Variants in RNF220 observed in about 807,000 individuals in gnomAD.
RNF220 encodes ring finger protein 220.
A neutral mutation model predicts 67.1 loss-of-function variants in RNF220; 7 were observed. The ratio of observed to expected loss-of-function variants is 0.10; its 90% CI spans 0.06 to 0.20. The LOEUF (loss-of-function observed/expected upper bound fraction) is 0.20. Ranked by LOEUF, RNF220 falls within the 10% of genes least tolerant of loss-of-function variation. The probability of loss-of-function intolerance (pLI) is 1.00; values close to 1 mark genes in which losing one functional copy is unlikely to be tolerated. For missense variants in RNF220, 565 were observed against 740.3 expected (o/e 0.76, Z 2.75); for synonymous variants, 270 against 283.2 (o/e 0.95, Z 0.47).
At chr1:44,522,653 TG>T (rs760083776) in intron 2 of RNF220, among the ~76,000 whole-genome samples, 43 of 148,880 alleles carry the variant, frequency 2.9e-4, no homozygotes, top group East Asian at 1.4e-3. Context: ...ACATCCCTCC[TG>T]GGGGGGCGGG....
intron 2 of RNF220, chr1:44,545,387 A>C (rs1662046112): frequency 6.5e-6 from 1 of 154,228 alleles, no homozygotes; most frequent in Non-Finnish European, 1.5e-5. Context: ...ACTTTCAGGC[A>C]CTTTACATCC....
chr1:44,581,431 G>A lies in RNF220; in HGVS notation c.626-32734G>A, dbSNP rs187067431. ...GAGCAAAGGGCCTCCCCAGGGTGCC[G>A]GCCAGGGAATCCCTGCTTTGGCCAA... On this transcript the variant is annotated intron_variant, in intron 2 of 14. Transcript: ENST00000361799. 4.2e-3 allele frequency among the ~76,000 whole-genome samples: 647 copies of A among 152,242 alleles called. 4 individuals are homozygous for A. The highest frequency in any genetic ancestry group is 0.015 in the African/African-American group (605 of 41,518).
At chr1:44,421,025 G>A (rs1649153823) in intron 2 of RNF220, among the ~76,000 whole-genome samples, 1 of 152,180 alleles carries the variant, frequency 6.6e-6, no homozygotes, top group Admixed American at 6.5e-5. Flanking sequence ...AGGGAGAAAG[G>A]CTTGAAAGCC....
At chr1:44,530,327 A>G (rs1660735085) in intron 2 of RNF220, among the ~76,000 whole-genome samples, 2 of 152,170 alleles carry the variant, frequency 1.3e-5, no homozygotes, top group South Asian at 4.1e-4. Flanking sequence ...CAAAAACTAC[A>G]ATGGGTTACC....
At chr1:44,429,753 G>A (rs1557917043) in intron 2 of RNF220, among the ~76,000 whole-genome samples, 3 of 152,198 alleles carry the variant, frequency 2.0e-5, no homozygotes, top group Non-Finnish European at 2.9e-5. Flanking sequence ...GGGTGGGGAC[G>A]TGTGGTTGGT....
At chr1:44,562,635 G>T (rs919858137) in intron 2 of RNF220, among the ~76,000 whole-genome samples, 2 of 152,186 alleles carry the variant, frequency 1.3e-5, no homozygotes, top group African/African-American at 4.8e-5. Flanking sequence ...AGCTCCAGGG[G>T]CTAAGTCGGG....
intron 2 of RNF220, among the ~76,000 whole-genome samples, chr1:44,413,993 C>T (rs1473168341): frequency 2.0e-5 from 3 of 152,372 alleles, no homozygotes; most frequent in South Asian, 2.1e-4. Flanking sequence ...GTAAATCCAT[C>T]GCTCTTTGGT....
Position 44,405,377 on chromosome 1 carries a change from A to ACTGCTGCTGCTGCTGCTG in RNF220, c.-269_-252dup, listed in dbSNP as rs111665631. 11 of 611,418 alleles carry ACTGCTGCTGCTGCTGCTG rather than the reference A, an allele frequency of 1.8e-5. No individual in the cohort carries two copies. The highest frequency in any genetic ancestry group is 3.6e-4 in the Middle Eastern group (1 of 2,814). The allele number at this position is 611,418 out of a possible 1,614,324, so 37.9% of individuals were successfully genotyped here. A position where few individuals can be genotyped will look rare whatever the true frequency, so the allele number is the denominator to read the frequency against. ...AACACAAACCCGGGGCCAGCCGCCTACTGCTGCTGCTGCTGCTGCCGCTGC... is the reference window on the plus strand; with the variant it reads ...AACACAAACCCGGGGCCAGCCGCCTACTGCTGCTGCTGCTGCTGCTGCTGCTGCTGCTGCTGCCGCTGC... On this transcript the variant is annotated 5_prime_UTR_variant, in exon 1 of 15. Coordinates refer to ENST00000361799, the MANE Select transcript of RNF220 (RefSeq NM_018150.4).
In RNF220 at chr1:44,645,612, C is replaced by G. The variant is rs1207295343; in HGVS notation, c.1445+124C>G. 2 of 933,766 alleles carry G rather than the reference C, an allele frequency of 2.1e-6. No individual in the cohort carries two copies. Among genetic ancestry groups the G allele is most frequent in the Non-Finnish European group, 3.3e-6 (2 of 603,838 alleles). 57.8% of individuals were successfully genotyped at this position (933,766 alleles called of 1,614,324 possible). A position where few individuals can be genotyped will look rare whatever the true frequency, so the allele number is the denominator to read the frequency against. Reference sequence around the variant, plus strand: ...CCAAGTGCAGCTCAGTGCTGCTGCCCTGGGCACACGGCCGGCAGTGGAGCC... The same window carrying G: ...CCAAGTGCAGCTCAGTGCTGCTGCCGTGGGCACACGGCCGGCAGTGGAGCC... On this transcript the variant is annotated intron_variant, in intron 12 of 14. Transcript: ENST00000361799. The surrounding 1 kb of genome is among the most constrained non-coding windows in gnomAD (Gnocchi z 5.0).
intron 2 of RNF220, among the ~76,000 whole-genome samples, chr1:44,596,641 T>A (rs1666514552): frequency 1.3e-5 from 2 of 150,954 alleles, no homozygotes; most frequent in Non-Finnish European, 3.0e-5. Flanking sequence ...ACAAAAAAAA[T>A]AAATAAAGGA....
intron 2 of RNF220, among the ~76,000 whole-genome samples, chr1:44,426,447 C>A (rs185504121): frequency 6.6e-6 from 1 of 152,300 alleles, no homozygotes; most frequent in East Asian, 1.9e-4. Context: ...CTTTACTAGG[C>A]CAGGTGTGGT....
intron 2 of RNF220, among the ~76,000 whole-genome samples, chr1:44,452,582 T>G (rs911050104): frequency 6.6e-6 from 1 of 152,014 alleles, no homozygotes; most frequent in African/African-American, 2.4e-5. Context: ...AAATAAATAA[T>G]AAACCGTATG....
At chr1:44,420,441 C>A (rs573450951) in intron 2 of RNF220, among the ~76,000 whole-genome samples, 25 of 152,272 alleles carry the variant, frequency 1.6e-4, no homozygotes, top group Non-Finnish European at 2.9e-4. Context: ...GAGAGACCTT[C>A]GCTTTATTTT....
chr1:44,533,663 T>C (rs1660996023), intron 2 of RNF220, among the ~76,000 whole-genome samples: 1 of 151,924 alleles, frequency 6.6e-6, no homozygotes. Context: ...TTGATTGACA[T>C]GAGATAGAAG....
At chr1:44,464,460 A>G (rs10157599) in intron 2 of RNF220, among the ~76,000 whole-genome samples, 32,075 of 152,140 alleles carry the variant, frequency 0.21, 3,654 homozygotes, top group Middle Eastern at 0.29. Flanking sequence ...TATATCCGCT[A>G]ACATTCCACT....
At chr1:44,472,685 C>G (rs774012217) in intron 2 of RNF220, among the ~76,000 whole-genome samples, 4 of 152,218 alleles carry the variant, frequency 2.6e-5, no homozygotes, top group African/African-American at 7.2e-5. Context: ...GCCTTCCGGT[C>G]CAACAGCTTC....
chr1:44,539,755 A>G (rs1056503177), intron 2 of RNF220, among the ~76,000 whole-genome samples: 2 of 152,180 alleles, frequency 1.3e-5, no homozygotes, highest in African/African-American at 4.8e-5. Context: ...GTATTAATCC[A>G]ACACTGTTCC....
chr1:44,610,215 C>T lies in RNF220; in HGVS notation c.626-3950C>T, dbSNP rs150143535. Among the ~76,000 whole-genome samples, 1,001 of 152,380 alleles carry T rather than the reference C, an allele frequency of 6.6e-3. 10 individuals carry two copies. Among genetic ancestry groups the T allele is most frequent in the African/African-American group, 0.023 (963 of 41,588 alleles). ...ACACACTCAATCAGGCGCTGTCAGA[C>T]CTCTGGCCGCCTGGCATTTTGGTGA... is the stretch of plus-strand genomic sequence containing the variant. On this transcript the variant is annotated intron_variant, in intron 2 of 14. Coordinates refer to ENST00000361799, the MANE Select transcript of RNF220 (RefSeq NM_018150.4).
chr1:44,469,601 C>T (rs1429081860), intron 2 of RNF220, among the ~76,000 whole-genome samples: 3 of 152,076 alleles, frequency 2.0e-5, no homozygotes, highest in African/African-American at 7.2e-5. Flanking sequence ...TACTGAGTTC[C>T]TTCTATGTGT....
Sources: allele counts gnomAD v4.1 joint callset (sites outside exome capture counted in the v4.1 genomes callset), GRCh38; gene constraint gnomAD v4.1.1; non-coding constraint Gnocchi (gnomAD v3.1); transcripts MANE v1.5; gene names NCBI Gene and HGNC (gene_info 2026-07-23, HGNC 2026-07-21).